MYOF: variants seen among roughly 807,000 people sequenced by gnomAD.
MYOF encodes the protein myoferlin, also known as fer-1-like 3, myoferlin.
In MYOF, 244 loss-of-function variants were observed where a neutral mutation model predicts 284.2. The ratio of observed to expected loss-of-function variants is 0.86; its 90% CI spans 0.77 to 0.95. MYOF has a LOEUF of 0.95. Ranked by LOEUF, MYOF falls within the 40% of genes least tolerant of loss-of-function variation. MYOF has a pLI of 0.00. For synonymous variants in MYOF, 904 were observed against 919.7 expected (o/e 0.98, Z 0.31); for missense variants, 2,496 against 2,560.6 (o/e 0.97, Z 0.54).
chr10:93,415,487 A>G (rs1848079169), intron 5 of MYOF, among the ~76,000 whole-genome samples: 1 of 152,150 alleles, frequency 6.6e-6, no homozygotes, highest in Non-Finnish European at 1.5e-5. Context: ...CAGTCAAATC[A>G]CTTTACCTTT....
intron 50 of MYOF, among the ~76,000 whole-genome samples, chr10:93,313,712 C>G (rs759223751): frequency 6.6e-6 from 1 of 152,042 alleles, no homozygotes; most frequent in South Asian, 2.1e-4. Flanking sequence ...ACCAGCCTGG[C>G]CAACATGGTG....
chr10:93,336,203 A>G (rs1469327349), intron 40 of MYOF, among the ~76,000 whole-genome samples, 157 bp from the exon 41 acceptor site: 5 of 152,212 alleles, frequency 3.3e-5, no homozygotes, highest in Non-Finnish European at 5.9e-5. Context: ...ACCACTTTGG[A>G]AAATGTCTGG....
At chr10:93,316,867 C>T (rs1842635476) in intron 49 of MYOF, 54 bp from the exon 50 acceptor site, 2 of 1,450,722 alleles carry the variant, frequency 1.4e-6, no homozygotes, top group Non-Finnish European at 1.9e-6. Flanking sequence ...ACCTTTGGCT[C>T]CTTAAGACAG....
At chr10:93,389,250 C>T (rs1734673190) in intron 17 of MYOF, 96 bp from the exon 18 acceptor site, 2 of 1,393,160 alleles carry the variant, frequency 1.4e-6, no homozygotes, top group Non-Finnish European at 1.9e-6. Flanking sequence ...GACTATTTTC[C>T]TCCATTTTGG....
intron 5 of MYOF, among the ~76,000 whole-genome samples, chr10:93,424,961 C>T (rs1233887742): frequency 4.5e-5 from 3 of 67,224 alleles, no homozygotes; most frequent in East Asian, 4.2e-3. Flanking sequence ...TTTTTTGAGA[C>T]GGAGTTTCAC....
At position 93,374,969 on chromosome 10, in the gene MYOF, GA is replaced by G. The variant is rs762421876; in HGVS notation, c.2109-15del. 43 of 1,595,358 alleles carry G rather than the reference GA, an allele frequency of 2.7e-5. 1 individual carries two copies. The South Asian group carries it at 4.7e-4, about 17-fold the overall frequency. On this transcript the variant is annotated splice_polypyrimidine_tract_variant and intron_variant, in intron 22 of 53. Transcript: ENST00000359263. ...GGCAACGTGTATCTAGAAAAATGAA[GA>G]AAAAAAGAAACAGAGGATTTGAAGA... is the stretch of plus-strand genomic sequence containing the variant.
chr10:93,431,194 A>C (rs7098042), intron 4 of MYOF, among the ~76,000 whole-genome samples: 6,802 of 151,954 alleles, frequency 0.045, 353 homozygotes, highest in African/African-American at 0.12. Flanking sequence ...ATGCCCAGCT[A>C]ATTTTTGTAT....
chr10:93,402,131 G>T, intron 11 of MYOF, 101 bp downstream of exon 11: 1 of 854,404 alleles, frequency 1.2e-6, no homozygotes, highest in Non-Finnish European at 2.0e-6. Flanking sequence ...GGTATTGACG[G>T]GAAGCTGTGC....
chr10:93,370,314 A>ATTTTTTTTTTTTTTTTTT lies in MYOF; in HGVS notation c.2458-556_2458-539dup, dbSNP rs916555324. On this transcript the variant is annotated intron_variant, in intron 24 of 53. Transcript: ENST00000359263. ...GTTGATCAAGCAGTAATGATTACTA[A>ATTTTTTTTTTTTTTTTTT]TTTTTTTTTTTTTTTTTTTTTGAGA... 8.5e-4 allele frequency among the ~76,000 whole-genome samples: 104 copies of ATTTTTTTTTTTTTTTTTT among 122,410 alleles called. 6 individuals are homozygous for ATTTTTTTTTTTTTTTTTT. The highest frequency in any genetic ancestry group is 3.1e-3 in the African/African-American group (89 of 28,266). The allele number at this position is 122,410 out of a possible 152,430, so 80.3% of individuals were successfully genotyped here. A position where few individuals can be genotyped will look rare whatever the true frequency, so the allele number is the denominator to read the frequency against.
chr10:93,481,718 A>C (rs1031431525), intron 1 of MYOF, among the ~76,000 whole-genome samples: 2 of 152,228 alleles, frequency 1.3e-5, no homozygotes, highest in African/African-American at 4.8e-5. Context: ...TGGTGTCTCC[A>C]ACAATTTAAT....
At chr10:93,431,363 A>C in intron 4 of MYOF, 45 bp downstream of exon 4, 1 of 1,560,274 alleles carries the variant, frequency 6.4e-7, no homozygotes, top group Non-Finnish European at 8.8e-7. Context: ...AATTTTGCTC[A>C]ATCATCTCAC....
intron 30 of MYOF, 123 bp downstream of exon 30, chr10:93,356,552 A>G: frequency 9.5e-7 from 1 of 1,055,492 alleles, no homozygotes; most frequent in Non-Finnish European, 1.4e-6. Flanking sequence ...TCAACCTGTT[A>G]ATATTTGCCA....
chr10:93,360,514 G>T (rs1845020728), intron 28 of MYOF, among the ~76,000 whole-genome samples: 1 of 152,324 alleles, frequency 6.6e-6, no homozygotes, highest in African/African-American at 2.4e-5. Flanking sequence ...CAATGCTAAC[G>T]ATTATTCTGA....
chr10:93,329,591 A>C, intron 44 of MYOF, 73 bp downstream of exon 44: 2 of 1,522,848 alleles, frequency 1.3e-6, no homozygotes, highest in Admixed American at 1.7e-5. Context: ...GCACTAAGGT[A>C]GAGGGCCTAG....
At chr10:93,333,662 A>G (rs544365343) in intron 42 of MYOF, 96 bp downstream of exon 42, 3 of 1,478,716 alleles carry the variant, frequency 2.0e-6, no homozygotes, top group Non-Finnish European at 2.8e-6. Context: ...CCCTAGTGAG[A>G]TAACAGACGC....
chr10:93,482,077 C>T (rs770491549), intron 1 of MYOF, 30 bp downstream of exon 1: 2 of 1,588,144 alleles, frequency 1.3e-6, no homozygotes, highest in East Asian at 2.2e-5. Flanking sequence ...CAAAACAGGA[C>T]TTCAGAAAAA....
intron 5 of MYOF, among the ~76,000 whole-genome samples, chr10:93,414,538 C>CA (rs1249989544): frequency 2.0e-5 from 3 of 151,910 alleles, no homozygotes; most frequent in Admixed American, 2.0e-4. Flanking sequence ...GCCTCTGTCT[C>CA]AAAAAACAAA....
rs536125253 is a variant in MYOF, at chr10:93,401,535, G to T, written c.1000C>A (p.Arg334=). The change falls in exon 12 of 54, where the codon CGA becomes AGA. Residue 334 remains arginine (R), a synonymous_variant. Coordinates refer to ENST00000359263, the MANE Select transcript of MYOF (RefSeq NM_013451.4). ...TCATCACTGTCATTATCACGATCTC[G>T]TCTCTCAGGCTATTAGGGGCACATG... ...GTGDEPPPER[R]DRDNDSDDVE... The T allele has an allele frequency of 6.2e-7, 1 of 1,613,970 alleles. No homozygotes were observed. Among genetic ancestry groups the T allele is most frequent in the Admixed American group, 1.7e-5 (1 of 60,014 alleles).
At chr10:93,381,112 C>T in intron 20 of MYOF, 107 bp downstream of exon 20, 1 of 1,243,114 alleles carries the variant, frequency 8.0e-7, no homozygotes, top group Non-Finnish European at 1.1e-6. Flanking sequence ...TTTCCACTAA[C>T]CATAGGCTGC....
Sources: gnomAD v4.1 joint callset for allele counts (sites outside exome capture counted in the v4.1 genomes callset) on GRCh38, gnomAD v4.1.1 for gene constraint, MANE v1.5 for transcripts, NCBI Gene and HGNC (gene_info 2026-07-23, HGNC 2026-07-21) for gene names.